The following MYRIP variants were observed in gnomAD, a reference collection of about 807,000 sequenced individuals.
The protein encoded by MYRIP is rab effector MyRIP.
A neutral mutation model predicts 98.0 loss-of-function variants in MYRIP; 49 were observed. That is an observed-to-expected ratio of 0.50 (90% CI 0.40 to 0.63). MYRIP has a LOEUF of 0.63. MYRIP is among the 30% of genes least tolerant of loss of function. The probability of loss-of-function intolerance (pLI) is 0.00; values close to 1 mark genes in which losing one functional copy is unlikely to be tolerated. For missense variants in MYRIP, 1,004 were observed against 1,058.2 expected (o/e 0.95, Z 0.71); for synonymous variants, 404 against 409.5 (o/e 0.99, Z 0.16).
intron 3 of MYRIP, among the ~76,000 whole-genome samples, chr3:40,106,293 T>C (rs952260518): frequency 1.3e-5 from 2 of 151,850 alleles, no homozygotes; most frequent in African/African-American, 2.4e-5. Flanking sequence ...ACAGCGTAAT[T>C]AGATTTGTTA....
Position 40,043,994 on chromosome 3 carries a change from CT to C in MYRIP, c.111-55del, listed in dbSNP as rs887487388. On this transcript the variant is annotated intron_variant, in intron 2 of 16. Coordinates refer to ENST00000302541, the MANE Select transcript of MYRIP (RefSeq NM_015460.4). ...GGTGCATGCTTTGGGGAGACACCCC[CT>C]GACCTGATGTTGTGTTTCTCTCCTC... 20 of 1,547,162 alleles carry C rather than the reference CT, an allele frequency of 1.3e-5. No individual in the cohort carries two copies. In the East Asian group the frequency reaches 2.8e-4, roughly 21 times the overall value.
chr3:39,980,871 C>G (rs975605242), intron 2 of MYRIP, among the ~76,000 whole-genome samples: 2 of 151,982 alleles, frequency 1.3e-5, no homozygotes, highest in Non-Finnish European at 1.5e-5. Flanking sequence ...ATGGTAGTTG[C>G]CAGGGGCTGG....
At chr3:39,984,707 A>G (rs927733833) in intron 2 of MYRIP, among the ~76,000 whole-genome samples, 1 of 151,988 alleles carries the variant, frequency 6.6e-6, no homozygotes, top group African/African-American at 2.4e-5. Context: ...GTGTCTTTAT[A>G]GCAGCATGAT....
At chr3:40,139,413 C>CT (rs1559417406) in intron 3 of MYRIP, among the ~76,000 whole-genome samples, 4 of 152,124 alleles carry the variant, frequency 2.6e-5, no homozygotes, top group African/African-American at 7.2e-5. Context: ...CTGTCAGTCC[C>CT]GCTGCTGGCT....
chr3:39,961,738 A>G (rs984500394), intron 2 of MYRIP, among the ~76,000 whole-genome samples: 1 of 151,966 alleles, frequency 6.6e-6, no homozygotes, highest in Non-Finnish European at 1.5e-5. Flanking sequence ...CATTATTTCT[A>G]CTCTTGAAAT....
chr3:40,050,498 C>T (rs149649929), intron 3 of MYRIP, among the ~76,000 whole-genome samples: 4 of 152,160 alleles, frequency 2.6e-5, no homozygotes, highest in Admixed American at 2.6e-4. Context: ...TATTATTGCT[C>T]ATTGGCAATG....
In MYRIP at chr3:39,900,708, A is replaced by C. The variant is rs1277855252; in HGVS notation, c.-30-79A>C. 5.4e-6 allele frequency: 4 copies of C among 746,430 alleles called. No homozygotes were observed. The Admixed American group carries it at 9.5e-5, about 18-fold the overall frequency. The allele number at this position is 746,430 out of a possible 1,614,324, so 46.2% of individuals were successfully genotyped here. On this transcript the variant is annotated intron_variant, in intron 1 of 16. Coordinates refer to ENST00000302541, the MANE Select transcript of MYRIP (RefSeq NM_015460.4). ...ACACTTACATATAAACACTATATTT[A>C]ACTCTATTTTAATAACAAAATAGGT...
intron 3 of MYRIP, among the ~76,000 whole-genome samples, chr3:40,117,405 T>G (rs980016340): frequency 2.0e-5 from 3 of 152,192 alleles, no homozygotes; most frequent in African/African-American, 7.2e-5. Context: ...AAAAAGCTCT[T>G]GCCCTCTGTA....
At chr3:40,179,461 G>C (rs1368453178) in intron 8 of MYRIP, among the ~76,000 whole-genome samples, 1 of 152,132 alleles carries the variant, frequency 6.6e-6, no homozygotes, top group African/African-American at 2.4e-5. Flanking sequence ...CATAAAAAAG[G>C]ACCCCAGCCA....
In MYRIP at chr3:40,251,960, C is replaced by T; in HGVS notation, c.2508C>T (p.Asn836=). 6.2e-7 allele frequency: 1 copy of T among 1,613,374 alleles called. No individual in the cohort carries two copies. The highest frequency in any genetic ancestry group is 8.5e-7 in the Non-Finnish European group (1 of 1,179,348). Reference sequence around the variant, plus strand: ...TCATTCTCCAAGGCTCCTCAACAAACAGGACTAAGGAAAGGAAAGGCACCA... The same window carrying T: ...TCATTCTCCAAGGCTCCTCAACAAATAGGACTAAGGAAAGGAAAGGCACCA... ...HNFILQGSST[N]RTKERKGTTK... is the part of the protein sequence containing the mutation. The change falls in exon 16 of 17, where the codon AAC becomes AAT. Residue 836 remains asparagine, a synonymous_variant. Coordinates refer to ENST00000302541, the MANE Select transcript of MYRIP (RefSeq NM_015460.4).
rs552752434 is a variant in MYRIP at position 40,202,527 on chromosome 3, C to T, written c.1666-7327C>T. ...GAATTCTAGAAAAATTATCTTCTCA[C>T]TCCTTTAAGCCCTTTTGTGAAAAAA... is the stretch of plus-strand genomic sequence containing the variant. On this transcript the variant is annotated intron_variant, in intron 10 of 16. Coordinates refer to ENST00000302541, the MANE Select transcript of MYRIP (RefSeq NM_015460.4). Among the ~76,000 whole-genome samples the T allele has an allele frequency of 8.9e-4, 135 of 152,302 alleles. 1 individual carries two copies. Among genetic ancestry groups the T allele is most frequent in the African/African-American group, 3.1e-3 (130 of 41,556 alleles).
chr3:39,962,431 T>C (rs991302752), intron 2 of MYRIP, among the ~76,000 whole-genome samples: 3 of 149,184 alleles, frequency 2.0e-5, no homozygotes, highest in Non-Finnish European at 4.4e-5. Flanking sequence ...AAAGCACTAA[T>C]GGCTACATGG....
chr3:39,874,216 C>T (rs1215244829), intron 1 of MYRIP, among the ~76,000 whole-genome samples: 1 of 152,132 alleles, frequency 6.6e-6, no homozygotes, highest in African/African-American at 2.4e-5. Context: ...GCTGAAGTTG[C>T]TTATCAGCTT....
At chr3:40,078,275 G>T (rs920133189) in intron 3 of MYRIP, among the ~76,000 whole-genome samples, 1 of 152,210 alleles carries the variant, frequency 6.6e-6, no homozygotes, top group South Asian at 2.1e-4. Context: ...CGAAAGCGCT[G>T]TGTGCAGCCC....
intron 1 of MYRIP, among the ~76,000 whole-genome samples, chr3:39,880,256 T>C (rs976144200): frequency 6.6e-6 from 1 of 152,222 alleles, no homozygotes; most frequent in African/African-American, 2.4e-5. Flanking sequence ...TTGGCTTCTC[T>C]CTAGTGCCTT....
chr3:40,160,680 G>A lies in MYRIP; in HGVS notation c.470-2050G>A, dbSNP rs145126895. On this transcript the variant is annotated intron_variant, in intron 4 of 16. Transcript: ENST00000302541. ...GCGTAGGACCCTCCGAGCCAGGTGC[G>A]GGATATAATCTCCTAGTGCGCCATT... Among the ~76,000 whole-genome samples, 1,319 of 152,314 alleles carry A rather than the reference G, an allele frequency of 8.7e-3. 22 individuals are homozygous for A. Among genetic ancestry groups the A allele is most frequent in the African/African-American group, 0.03 (1,262 of 41,566 alleles).
intron 2 of MYRIP, among the ~76,000 whole-genome samples, chr3:39,924,150 G>A (rs1944362662): frequency 6.6e-6 from 1 of 152,052 alleles, no homozygotes; most frequent in African/African-American, 2.4e-5. Flanking sequence ...GACATTAAAT[G>A]TAAATGGCCT....
At chr3:39,883,679 C>CA (rs893611579) in intron 1 of MYRIP, among the ~76,000 whole-genome samples, 18 of 150,300 alleles carry the variant, frequency 1.2e-4, no homozygotes, top group South Asian at 1.1e-3. Flanking sequence ...TTGAAAAATG[C>CA]AAAAAAAACT....
At chr3:40,071,282 A>G (rs1262382830) in intron 3 of MYRIP, 24 of 783,196 alleles carry the variant, frequency 3.1e-5, no homozygotes, top group Non-Finnish European at 3.6e-5. Context: ...AGATGGCTGG[A>G]TCAGGGGATT....
Sources: allele counts gnomAD v4.1 joint callset (sites outside exome capture counted in the v4.1 genomes callset), GRCh38; gene constraint gnomAD v4.1.1; transcripts MANE v1.5; gene names NCBI Gene and HGNC (gene_info 2026-07-23, HGNC 2026-07-21).